Variants in ZFP1 observed in about 807,000 individuals in gnomAD.
The protein encoded by ZFP1 is zinc finger protein 1 homolog.
A neutral mutation model predicts 38.5 loss-of-function variants in ZFP1; 32 were observed. That is an observed-to-expected ratio of 0.83 (90% confidence interval 0.63 to 1.12). The LOEUF is 1.12. ZFP1 is among the 50% of genes most tolerant of loss of function. ZFP1 has a pLI of 0.00. For synonymous variants in ZFP1, 245 were observed against 168.8 expected, an observed-to-expected ratio of 1.45 and a Z score of -3.50; for missense variants, 616 against 480.8, an observed-to-expected ratio of 1.28 and a Z score of -2.63.
At chr16:75,168,591 G>T (rs866708734) in intron 3 of ZFP1, among the ~76,000 whole-genome samples, 1 of 152,094 alleles carries the variant, frequency 6.6e-6, no homozygotes, top group Non-Finnish European at 1.5e-5. Context: ...TGATCCTGTG[G>T]TAAGGGTTGT....
the ZFP1 span, among the ~76,000 whole-genome samples, chr16:75,120,542 C>A: frequency 1.4e-5 from 2 of 148,072 alleles, no homozygotes; most frequent in South Asian, 2.1e-4. Context: ...TTTTTTTTGA[C>A]TAAAATAGTT....
chr16:75,163,312 T>C (rs965944431), intron 2 of ZFP1, among the ~76,000 whole-genome samples: 2 of 151,840 alleles, frequency 1.3e-5, no homozygotes, highest in African/African-American at 4.8e-5. Flanking sequence ...TTTTGTTTTG[T>C]TTTGTTTTTT....
At chr16:75,122,340 G>T in the ZFP1 span, among the ~76,000 whole-genome samples, 2 of 152,174 alleles carry the variant, frequency 1.3e-5, no homozygotes, top group Non-Finnish European at 2.9e-5. Flanking sequence ...TAGCAGTAAG[G>T]GCGGTTACAG....
chr16:75,133,442 A>C, the ZFP1 span, among the ~76,000 whole-genome samples: 1 of 151,938 alleles, frequency 6.6e-6, no homozygotes, highest in Non-Finnish European at 1.5e-5. Context: ...CGTCAGATAG[A>C]CCCCAGCATC....
At chr16:75,164,393 A>G (rs2037947620) in intron 2 of ZFP1, among the ~76,000 whole-genome samples, 2 of 152,186 alleles carry the variant, frequency 1.3e-5, no homozygotes, top group African/African-American at 4.8e-5. Flanking sequence ...TCTTCCAAAC[A>G]TGGTACTTTC....
the ZFP1 span, among the ~76,000 whole-genome samples, chr16:75,140,782 AC>A: frequency 2.6e-5 from 4 of 151,998 alleles, no homozygotes; most frequent in Admixed American, 6.6e-5. Flanking sequence ...ACGCGGTGAA[AC>A]CCCGTCTCTA....
chr16:75,164,279 A>T (rs776333585), intron 2 of ZFP1, among the ~76,000 whole-genome samples: 39 of 152,246 alleles, frequency 2.6e-4, no homozygotes, highest in South Asian at 8.3e-4. Flanking sequence ...TTTTATTTTG[A>T]TTACTGATTT....
intron 2 of ZFP1, 88 bp downstream of exon 2, chr16:75,153,054 A>G: frequency 6.5e-7 from 1 of 1,529,120 alleles, no homozygotes; most frequent in East Asian, 2.3e-5. Flanking sequence ...AAAAGTATGA[A>G]TAAGACACAA....
the ZFP1 span, among the ~76,000 whole-genome samples, chr16:75,139,565 A>G: frequency 2.6e-5 from 4 of 151,618 alleles, no homozygotes; most frequent in Non-Finnish European, 4.4e-5. Context: ...GGTGGCGCAC[A>G]TGTGTGGTCC....
At chr16:75,132,994 T>C in the ZFP1 span, among the ~76,000 whole-genome samples, 1 of 146,974 alleles carries the variant, frequency 6.8e-6, no homozygotes, top group African/African-American at 2.5e-5. Flanking sequence ...TTTTTTTTTT[T>C]CAAGACGGAG....
At chr16:75,161,567 G>A (rs2037777796) in intron 2 of ZFP1, among the ~76,000 whole-genome samples, 1 of 150,620 alleles carries the variant, frequency 6.6e-6, no homozygotes, top group South Asian at 2.1e-4. Context: ...CTGCTTTCTG[G>A]TGTAGTCAAG....
chr16:75,152,639 A>G (rs574009994), intron 1 of ZFP1, among the ~76,000 whole-genome samples: 88 of 152,348 alleles, frequency 5.8e-4, no homozygotes, highest in Admixed American at 2.2e-3. Context: ...CCTGTCTGAT[A>G]ATTTCAGCAG....
chr16:75,123,709 C>G, the ZFP1 span, among the ~76,000 whole-genome samples: 1 of 150,924 alleles, frequency 6.6e-6, no homozygotes, highest in East Asian at 2.0e-4. Context: ...AACTCCTGAG[C>G]TCAGGCAATC....
the ZFP1 span, among the ~76,000 whole-genome samples, chr16:75,135,222 A>AAAAAAAAAAC: frequency 6.7e-6 from 1 of 149,552 alleles, no homozygotes; most frequent in African/African-American, 2.4e-5. Flanking sequence ...AAAAAAAAAA[A>AAAAAAAAAAC]AAAAAAAAAA....
the ZFP1 span, among the ~76,000 whole-genome samples, chr16:75,123,480 T>G: frequency 7.6e-6 from 1 of 132,026 alleles, no homozygotes; most frequent in Non-Finnish European, 1.6e-5. Context: ...TATATATATA[T>G]ATATATATAT....
At chr16:75,139,453 A>G in the ZFP1 span, among the ~76,000 whole-genome samples, 122 of 148,730 alleles carry the variant, frequency 8.2e-4, no homozygotes, top group Admixed American at 1.8e-3. Context: ...GCACTTAAGG[A>G]GGTTGAACCA....
At chr16:75,168,377 G>A (rs139182350) in intron 3 of ZFP1, among the ~76,000 whole-genome samples, 16 of 152,182 alleles carry the variant, frequency 1.1e-4, no homozygotes, top group African/African-American at 3.9e-4. Context: ...GCTCATGCCT[G>A]GAATATTGAG....
the ZFP1 span, among the ~76,000 whole-genome samples, chr16:75,138,024 C>CTTTTTTTTTTTTTT: frequency 1.5e-5 from 1 of 64,936 alleles, no homozygotes; most frequent in African/African-American, 7.4e-5. Context: ...CTCCCACTTC[C>CTTTTTTTTTTTTTT]TTTTTTTTTT....
intron 2 of ZFP1, 62 bp from the exon 3 acceptor site, chr16:75,166,708 C>A (rs2038104617): frequency 8.7e-6 from 14 of 1,611,750 alleles, no homozygotes; most frequent in African/African-American, 1.3e-5. Context: ...ATAAAGTTTT[C>A]ATCTATCCTT....
Sources: gnomAD v4.1 joint callset for allele counts (sites outside exome capture counted in the v4.1 genomes callset) on GRCh38, gnomAD v4.1.1 for gene constraint, MANE v1.5 for transcripts, NCBI Gene and HGNC (gene_info 2026-07-23, HGNC 2026-07-21) for gene names.